Variants in ADAM18 observed in about 807,000 individuals in gnomAD.
ADAM18 encodes disintegrin and metalloproteinase domain-containing protein 18.
Under a neutral mutation model 94.4 loss-of-function variants are expected in ADAM18, and 117 were observed. That is an observed-to-expected ratio of 1.24 (90% CI 1.07 to 1.45). The LOEUF (loss-of-function observed/expected upper bound fraction) is 1.45, where lower values mean the gene tolerates loss of function less well. Among genes scored for constraint, ADAM18 ranks in the 40% most tolerant of loss-of-function variants. ADAM18 has a pLI of 0.00. For missense variants in ADAM18, 936 were observed against 880.0 expected (o/e 1.06, Z -0.81); for synonymous variants, 327 against 291.6 (o/e 1.12, Z -1.24).
At chr8:39,603,986 G>T (rs1170261013) in intron 2 of ADAM18, among the ~76,000 whole-genome samples, 2 of 152,134 alleles carry the variant, frequency 1.3e-5, no homozygotes, top group Non-Finnish European at 2.9e-5. Context: ...TCAGGATAAT[G>T]ATTTACTTAA....
chr8:39,614,031 G>A (rs149162226), intron 6 of ADAM18, among the ~76,000 whole-genome samples: 199 of 152,286 alleles, frequency 1.3e-3, no homozygotes, highest in African/African-American at 4.5e-3. Flanking sequence ...AAGAGAGAGA[G>A]CAAGCAACTT....
intron 18 of ADAM18, among the ~76,000 whole-genome samples, chr8:39,712,367 CT>C (rs1431394544): frequency 6.6e-6 from 1 of 151,962 alleles, no homozygotes; most frequent in Non-Finnish European, 1.5e-5. Flanking sequence ...GAAGCATTCC[CT>C]TTGAAAACTG....
intron 7 of ADAM18, among the ~76,000 whole-genome samples, chr8:39,636,540 C>T (rs1820080033): frequency 6.6e-6 from 1 of 151,968 alleles, no homozygotes; most frequent in Non-Finnish European, 1.5e-5. Flanking sequence ...CAATTTATAT[C>T]TTCTCTCTAA....
intron 19 of ADAM18, among the ~76,000 whole-genome samples, chr8:39,728,517 A>G (rs1017030491): frequency 1.3e-5 from 2 of 152,208 alleles, no homozygotes; most frequent in Non-Finnish European, 2.9e-5. Flanking sequence ...ATTAATTATT[A>G]TCAATTATCA....
intron 14 of ADAM18, among the ~76,000 whole-genome samples, chr8:39,675,800 T>C (rs1307484314): frequency 6.6e-6 from 1 of 152,210 alleles, no homozygotes; most frequent in Admixed American, 6.5e-5. Context: ...GACCTACAGA[T>C]GGGATTTTGG....
intron 14 of ADAM18, among the ~76,000 whole-genome samples, chr8:39,670,427 T>G (rs1260897333): frequency 6.6e-6 from 1 of 152,168 alleles, no homozygotes; most frequent in African/African-American, 2.4e-5. Flanking sequence ...TTTTCTTCTG[T>G]TACCAAAAAC....
chr8:39,592,866 CT>C (rs1818616999), intron 2 of ADAM18, among the ~76,000 whole-genome samples: 1 of 152,182 alleles, frequency 6.6e-6, no homozygotes, highest in Admixed American at 6.5e-5. Context: ...TTTCCCCTCT[CT>C]AGCTATGAAA....
intron 12 of ADAM18, among the ~76,000 whole-genome samples, chr8:39,660,347 T>A (rs182264984): frequency 6.6e-6 from 1 of 152,170 alleles, no homozygotes; most frequent in Non-Finnish European, 1.5e-5. Flanking sequence ...ATATGCTACA[T>A]CCAGGAGCCT....
chr8:39,719,664 C>T (rs1016596225), intron 18 of ADAM18, among the ~76,000 whole-genome samples: 11 of 151,464 alleles, frequency 7.3e-5, no homozygotes, highest in East Asian at 1.9e-4. Context: ...CATGTAAAGA[C>T]GCCCAACAAC....
At chr8:39,608,974 T>A in intron 3 of ADAM18, 68 bp from the exon 4 acceptor site, 2 of 871,846 alleles carry the variant, frequency 2.3e-6, no homozygotes, top group Non-Finnish European at 1.8e-6. Context: ...AAAATGTATG[T>A]AATATTTGTT....
At chr8:39,707,227 G>GTCT (rs1363931020) in intron 18 of ADAM18, among the ~76,000 whole-genome samples, 1 of 152,118 alleles carries the variant, frequency 6.6e-6, no homozygotes, top group East Asian at 1.9e-4. Flanking sequence ...GGTTCTACTG[G>GTCT]TCTTCCAGAA....
chr8:39,660,124 A>G (rs1187786236), intron 12 of ADAM18, among the ~76,000 whole-genome samples: 1 of 152,160 alleles, frequency 6.6e-6, no homozygotes, highest in Non-Finnish European at 1.5e-5. Flanking sequence ...GAAAGGAAGT[A>G]AAACTTAACA....
In ADAM18 at chr8:39,701,821, A is replaced by G. The variant is rs902837286; in HGVS notation, c.1903-4969A>G. On this transcript the variant is annotated intron_variant, in intron 17 of 19. Transcript: ENST00000265707. ...ATGTCCCAGCAAAGGACATGATCTC[A>G]TACTTTTTATGGGTGCATAGTATTC... 3.3e-5 allele frequency among the ~76,000 whole-genome samples: 5 copies of G among 152,246 alleles called. No homozygotes were observed. The East Asian group carries it at 7.7e-4, about 24-fold the overall frequency.
chr8:39,645,305 T>A (rs1027237733), intron 10 of ADAM18, 33 bp from the exon 11 acceptor site: 8 of 1,551,402 alleles, frequency 5.2e-6, no homozygotes, highest in Non-Finnish European at 6.1e-6. Context: ...TTTTCACACA[T>A]AATAATTTTC....
At chr8:39,663,999 A>G in intron 13 of ADAM18, 109 bp downstream of exon 13, 2 of 748,728 alleles carry the variant, frequency 2.7e-6, no homozygotes, top group Non-Finnish European at 4.3e-6. Context: ...ATTTAGTGAA[A>G]TAAAATGTAG....
At chr8:39,597,885 C>T (rs1193784282) in intron 2 of ADAM18, among the ~76,000 whole-genome samples, 3 of 152,158 alleles carry the variant, frequency 2.0e-5, no homozygotes, top group African/African-American at 7.2e-5. Flanking sequence ...TAACTAATGT[C>T]TTAATGATAT....
rs879771639 is a variant in ADAM18, at chr8:39,648,496, C to T, written c.1199C>T (p.Ser400Phe). 137 of 1,607,942 alleles carry T rather than the reference C, an allele frequency of 8.5e-5. No homozygotes were observed. The highest frequency in any genetic ancestry group is 1.2e-4 in the Non-Finnish European group (136 of 1,177,654). ...QPVCGNGILE[S>F]NEECDCGNKN... ...GTGTGTGGTAATGGGATTTTGGAATCCAATGAAGAATGTGACTGTGGTAAT... is the reference window on the plus strand; with the variant it reads ...GTGTGTGGTAATGGGATTTTGGAATTCAATGAAGAATGTGACTGTGGTAAT... The change falls in exon 12 of 20, where the codon TCC becomes TTC. Residue 400 changes from serine to phenylalanine, a missense_variant. Ser to Phe is a radical substitution (Grantham distance 155, BLOSUM62 -2). Transcript: ENST00000265707.
intron 13 of ADAM18, among the ~76,000 whole-genome samples, chr8:39,664,232 T>C (rs146960365): frequency 2.6e-5 from 4 of 152,310 alleles, no homozygotes; most frequent in African/African-American, 9.6e-5. Context: ...TTGCAAATAT[T>C]GTAAAGATAT....
intron 2 of ADAM18, among the ~76,000 whole-genome samples, chr8:39,600,923 C>G (rs1311113269): frequency 1.3e-5 from 2 of 152,146 alleles, no homozygotes; most frequent in Non-Finnish European, 2.9e-5. Flanking sequence ...AAAGAAATAA[C>G]TAAGACTGGA....
Sources: gnomAD v4.1 joint callset for allele counts (sites outside exome capture counted in the v4.1 genomes callset) on GRCh38, gnomAD v4.1.1 for gene constraint, MANE v1.5 for transcripts, NCBI Gene and HGNC (gene_info 2026-07-23, HGNC 2026-07-21) for gene names.